Variants in RIMS1 observed in about 807,000 individuals in gnomAD.
RIMS1 encodes regulating synaptic membrane exocytosis protein 1.
RIMS1 carries 83 observed loss-of-function variants against 214.1 expected under a neutral mutation model. The observed-to-expected ratio is 0.39, with a 90% CI of 0.32 to 0.47. The LOEUF (loss-of-function observed/expected upper bound fraction) is 0.47. RIMS1 is among the 20% of genes least tolerant of loss of function. The pLI is 0.99. For synonymous variants in RIMS1, 793 were observed against 786.8 expected (o/e 1.01, Z -0.13); for missense variants, 2,050 against 2,161.8 (o/e 0.95, Z 1.03).
intron 6 of RIMS1, among the ~76,000 whole-genome samples, chr6:72,195,784 T>G (rs1465381900): frequency 6.6e-6 from 1 of 152,104 alleles, no homozygotes; most frequent in Non-Finnish European, 1.5e-5. Flanking sequence ...AAGAACTGCC[T>G]AAGACTGAGT....
intron 2 of RIMS1, among the ~76,000 whole-genome samples, chr6:72,085,254 T>C (rs1367690608): frequency 6.6e-6 from 1 of 152,166 alleles, no homozygotes; most frequent in Non-Finnish European, 1.5e-5. Context: ...AGAACTGTAG[T>C]AATTTTCAAA....
At position 72,182,901 on chromosome 6, in the gene RIMS1, A is replaced by AC. The variant is rs1304272819; in HGVS notation, c.1434dup (p.Ser479GlnfsTer56). On this transcript the variant is annotated frameshift_variant, in exon 6 of 34. Transcript: ENST00000521978. LOFTEE classifies it high-confidence loss of function. Reference sequence around the variant, plus strand: ...CCCCTCAGGAAGCAGAGCCGCCTGGACCCCAGCTCGGCGGTCCTCATGCGG... The same window carrying AC: ...CCCCTCAGGAAGCAGAGCCGCCTGGACCCCCAGCTCGGCGGTCCTCATGCGG... 6.3e-7 allele frequency: 1 copy of AC among 1,575,006 alleles called. No individual in the cohort carries two copies.
intron 4 of RIMS1, among the ~76,000 whole-genome samples, chr6:72,148,959 T>C (rs374901408): frequency 5.0e-4 from 76 of 151,958 alleles, no homozygotes; most frequent in Middle Eastern, 3.4e-3. Context: ...GTCCCAGGAA[T>C]TGGGAACCTG....
chr6:71,890,263 G>A lies in RIMS1; in HGVS notation c.164+3076G>A, dbSNP rs547816215. Among the ~76,000 whole-genome samples, 20 of 152,108 alleles carry A rather than the reference G, an allele frequency of 1.3e-4. No individual in the cohort carries two copies. The East Asian group carries it at 1.5e-3, about 12-fold the overall frequency. Reference sequence around the variant, plus strand: ...CTTTATCATAAAAAGAATTCGTTTTGTTGGCAAAGTACACTAATTTTAAGT... The same window carrying A: ...CTTTATCATAAAAAGAATTCGTTTTATTGGCAAAGTACACTAATTTTAAGT... On this transcript the variant is annotated intron_variant, in intron 1 of 33. Transcript: ENST00000521978.
At position 72,290,808 on chromosome 6, in the gene RIMS1, T is replaced by C. The variant is rs748299782; in HGVS notation, c.3684T>C (p.Ser1228=). 1.9e-6 allele frequency: 3 copies of C among 1,613,728 alleles called. No homozygotes were observed. In the South Asian group the frequency reaches 3.3e-5, roughly 18 times the overall value. The change falls in exon 25 of 34, where the codon TCT becomes TCC. Residue 1228 remains serine, a synonymous_variant. Transcript: ENST00000521978. Reference sequence around the variant, plus strand: ...ACTCTAGTATCAGAACACTGTGTTCTATGCACCACCTTGTCCCTGGAGGGT... The same window carrying C: ...ACTCTAGTATCAGAACACTGTGTTCCATGCACCACCTTGTCCCTGGAGGGT... ...SEHSSIRTLC[S]MHHLVPGGSA...
intron 23 of RIMS1, among the ~76,000 whole-genome samples, chr6:72,278,671 A>G (rs1591700756): frequency 6.6e-6 from 1 of 152,202 alleles, no homozygotes; most frequent in East Asian, 1.9e-4. Flanking sequence ...CTTTCTTTGA[A>G]TGAACAAAGT....
chr6:72,223,409 ACATAT>A (rs1302492131), intron 6 of RIMS1, among the ~76,000 whole-genome samples: 22 of 152,302 alleles, frequency 1.4e-4, no homozygotes, highest in African/African-American at 4.6e-4. Flanking sequence ...TATATTGTGT[ACATAT>A]CATTTAGTAA....
At chr6:72,167,484 T>C (rs2046422711) in intron 4 of RIMS1, among the ~76,000 whole-genome samples, 1 of 152,150 alleles carries the variant, frequency 6.6e-6, no homozygotes, top group South Asian at 2.1e-4. Context: ...CTCCCTCTTT[T>C]TAAATAGTAA....
chr6:71,918,132 C>T (rs538443804), intron 1 of RIMS1, among the ~76,000 whole-genome samples: 64 of 151,916 alleles, frequency 4.2e-4, no homozygotes, highest in African/African-American at 1.2e-3. Context: ...TAGGAAGCCA[C>T]GGAACTTGAA....
At chr6:71,958,809 T>C (rs1792068313) in intron 1 of RIMS1, among the ~76,000 whole-genome samples, 1 of 152,104 alleles carries the variant, frequency 6.6e-6, no homozygotes, top group South Asian at 2.1e-4. Context: ...CCTTTGTCAG[T>C]GAGGAGTAAG....
chr6:72,332,113 T>C (rs573278036), intron 28 of RIMS1, among the ~76,000 whole-genome samples: 2 of 151,968 alleles, frequency 1.3e-5, no homozygotes, highest in East Asian at 3.9e-4. Flanking sequence ...TGTTTTATAA[T>C]TTATAATCAT....
At chr6:72,123,413 A>G (rs2038843182) in intron 4 of RIMS1, among the ~76,000 whole-genome samples, 1 of 151,852 alleles carries the variant, frequency 6.6e-6, no homozygotes, top group Non-Finnish European at 1.5e-5. Context: ...GTTTTGGAAT[A>G]AGTGTGATGT....
chr6:72,279,338 T>A (rs535678370), intron 23 of RIMS1, among the ~76,000 whole-genome samples: 31 of 152,122 alleles, frequency 2.0e-4, no homozygotes, highest in African/African-American at 7.5e-4. Flanking sequence ...AACATCCCAT[T>A]TTCTGATTTT....
intron 1 of RIMS1, among the ~76,000 whole-genome samples, chr6:71,944,887 A>AGACATT (rs1291042784): frequency 1.3e-5 from 2 of 152,220 alleles, no homozygotes; most frequent in African/African-American, 4.8e-5. Context: ...TGAATTATTT[A>AGACATT]GACATTGCGT....
At chr6:71,964,388 G>C (rs1793855478) in intron 1 of RIMS1, among the ~76,000 whole-genome samples, 1 of 152,184 alleles carries the variant, frequency 6.6e-6, no homozygotes, top group African/African-American at 2.4e-5. Context: ...TCTGGCTGTT[G>C]TGTTGAGAAT....
At chr6:72,379,511 A>G (rs907191587) in intron 29 of RIMS1, among the ~76,000 whole-genome samples, 1 of 152,240 alleles carries the variant, frequency 6.6e-6, no homozygotes, top group Non-Finnish European at 1.5e-5. Flanking sequence ...GGCATTCTAA[A>G]TAGCATTTGG....
At chr6:72,063,168 A>C (rs1406407390) in intron 2 of RIMS1, among the ~76,000 whole-genome samples, 2 of 152,174 alleles carry the variant, frequency 1.3e-5, no homozygotes. Context: ...TATCACACTA[A>C]AAGGGACAAA....
At chr6:72,304,917 G>A (rs765805429) in intron 26 of RIMS1, among the ~76,000 whole-genome samples, 3 of 151,834 alleles carry the variant, frequency 2.0e-5, no homozygotes, top group Non-Finnish European at 4.4e-5. Flanking sequence ...AGTCAGGGGA[G>A]TCTACTCATC....
chr6:72,376,608 G>C (rs531102959), intron 29 of RIMS1, among the ~76,000 whole-genome samples: 9 of 152,134 alleles, frequency 5.9e-5, no homozygotes, highest in Middle Eastern at 3.4e-3. Flanking sequence ...TTAGCTGGGC[G>C]TAGTGTTGCA....
Sources: allele counts gnomAD v4.1 joint callset (sites outside exome capture counted in the v4.1 genomes callset), GRCh38; gene constraint gnomAD v4.1.1; transcripts MANE v1.5; gene names NCBI Gene and HGNC (gene_info 2026-07-23, HGNC 2026-07-21).